Variants in PIR observed in about 807,000 individuals in gnomAD.
PIR encodes the protein pirin (iron-binding nuclear protein).
Under a neutral mutation model 24.2 loss-of-function variants are expected in PIR, and 22 were observed. That is an observed-to-expected ratio of 0.91 (90% CI 0.65 to 1.30). PIR has a LOEUF of 1.30. PIR is among the 50% of genes most tolerant of loss of function. The pLI is 0.00. For missense variants in PIR, 220 were observed against 220.3 expected (o/e 1.00, Z 0.01); for synonymous variants, 80 against 79.6 (o/e 1.00, Z -0.03).
chrX:15,454,017 C>A (rs901490099), intron 5 of PIR, among the ~76,000 whole-genome samples: 1 of 111,673 alleles, frequency 9.0e-6, no homozygotes, highest in Non-Finnish European at 1.9e-5. Context: ...ATCCATCTCA[C>A]TATCCCCTAA....
intron 5 of PIR, among the ~76,000 whole-genome samples, chrX:15,454,174 C>A (rs748151876): frequency 9.0e-6 from 1 of 111,531 alleles, no homozygotes. Context: ...TTTGCTGCTA[C>A]ACCAGGAAGT....
In PIR at chrX:15,384,887, G is replaced by A. The variant is rs934660922; in HGVS notation, c.*117C>T. 1 of 422,388 alleles carries A rather than the reference G, an allele frequency of 2.4e-6. No homozygotes were observed. The highest frequency in any genetic ancestry group is 4.2e-6 in the Non-Finnish European group (1 of 238,556). The allele number at this position is 422,388 out of a possible 1,213,427, so 34.8% of individuals were successfully genotyped here. A position where few individuals can be genotyped will look rare whatever the true frequency, so the allele number is the denominator to read the frequency against. On this transcript the variant is annotated 3_prime_UTR_variant, in exon 10 of 10. Transcript: ENST00000380420. ...ACAAAAACCATGTTATCACGTTAGTGTGGAATTCTTTAGAAGCACCGGCTA... is the reference window on the plus strand; with the variant it reads ...ACAAAAACCATGTTATCACGTTAGTATGGAATTCTTTAGAAGCACCGGCTA...
At chrX:15,442,250 T>C (rs1925939978) in intron 5 of PIR, among the ~76,000 whole-genome samples, 1 of 111,073 alleles carries the variant, frequency 9.0e-6, no homozygotes, top group African/African-American at 3.3e-5. Flanking sequence ...TGATCTTTGA[T>C]GTTACTATTG....
At chrX:15,405,326 A>G (rs1298446134) in intron 7 of PIR, among the ~76,000 whole-genome samples, 1 of 112,305 alleles carries the variant, frequency 8.9e-6, no homozygotes. Flanking sequence ...CATGAAATTC[A>G]CATTTCAGTG....
chrX:15,478,020 C>CA (rs1325899686), intron 3 of PIR, among the ~76,000 whole-genome samples: 9 of 82,771 alleles, frequency 1.1e-4, no homozygotes, highest in Middle Eastern at 5.9e-3. Context: ...GTATTCCCCC[C>CA]CCCCCAGAAA....
chrX:15,459,554 T>C (rs1921212685), intron 4 of PIR, 103 bp downstream of exon 4: 2 of 510,545 alleles, frequency 3.9e-6, no homozygotes, highest in Non-Finnish European at 7.1e-6. Context: ...AAGAATATAA[T>C]AGAGAGAGTG....
intron 9 of PIR, among the ~76,000 whole-genome samples, chrX:15,386,421 T>A (rs759192213): frequency 8.9e-6 from 1 of 112,159 alleles, no homozygotes; most frequent in African/African-American, 3.2e-5. Context: ...CTATCTATTA[T>A]GTACTGAATG....
Position 15,384,932 on chromosome X carries a change from A to G in PIR, c.*72T>C. On this transcript the variant is annotated 3_prime_UTR_variant, in exon 10 of 10. Transcript: ENST00000380420. ...CGGCTAAATAAGCTTTAGAAATGGAATGCCTTCAATGGCTCAATCTCAGAA... is the reference window on the plus strand; with the variant it reads ...CGGCTAAATAAGCTTTAGAAATGGAGTGCCTTCAATGGCTCAATCTCAGAA... 1 of 513,097 alleles carries G rather than the reference A, an allele frequency of 1.9e-6. No individual in the cohort carries two copies. Among genetic ancestry groups the G allele is most frequent in the Non-Finnish European group, 3.4e-6 (1 of 292,036 alleles). 42.3% of individuals were successfully genotyped at this position (513,097 alleles called of 1,213,427 possible). A position where few individuals can be genotyped will look rare whatever the true frequency, so the allele number is the denominator to read the frequency against.
At chrX:15,435,638 C>T (rs1321579212) in intron 5 of PIR, among the ~76,000 whole-genome samples, 2 of 111,613 alleles carry the variant, frequency 1.8e-5, no homozygotes, top group African/African-American at 6.5e-5. Flanking sequence ...ACCACCTTCC[C>T]ACTCTCGTGA....
intron 5 of PIR, among the ~76,000 whole-genome samples, chrX:15,428,798 C>A (rs1394575701): frequency 9.0e-6 from 1 of 111,659 alleles, no homozygotes; most frequent in African/African-American, 3.3e-5. Context: ...TGTGAGCCAC[C>A]GTGCCCAGCT....
chrX:15,458,811 T>C (rs2147060847), intron 4 of PIR, among the ~76,000 whole-genome samples: 1 of 112,729 alleles, frequency 8.9e-6, no homozygotes, highest in African/African-American at 3.2e-5. Flanking sequence ...ATGGTGCAGA[T>C]GGCAGAAGTC....
At chrX:15,392,062 T>A (rs1271986738) in intron 8 of PIR, among the ~76,000 whole-genome samples, 1 of 111,042 alleles carries the variant, frequency 9.0e-6, no homozygotes, top group Non-Finnish European at 1.9e-5. Context: ...ACTAGCCAAA[T>A]GGAGGGGCTA....
rs757017587 is a variant in PIR at position 15,467,507 on chromosome X, G to A, written c.190-7767C>T. Among the ~76,000 whole-genome samples the A allele has an allele frequency of 2.3e-4, 26 of 111,949 alleles. 1 individual carries two copies. Among genetic ancestry groups the A allele is most frequent in the Admixed American group, 1.2e-3 (13 of 10,613 alleles). On this transcript the variant is annotated intron_variant, in intron 3 of 9. Transcript: ENST00000380420. ...AAACTGGCTATTTCAGGCAAAGAAA[G>A]GGTCCTACTGCTAATATACACAAAG...
At chrX:15,425,324 C>T (rs935245780) in intron 6 of PIR, among the ~76,000 whole-genome samples, 1 of 110,511 alleles carries the variant, frequency 9.0e-6, no homozygotes, top group Non-Finnish European at 1.9e-5. Flanking sequence ...TCTTTTAGGC[C>T]TTCCACACCT....
At chrX:15,424,834 C>G (rs993525282) in intron 6 of PIR, among the ~76,000 whole-genome samples, 4 of 110,843 alleles carry the variant, frequency 3.6e-5, no homozygotes, top group Middle Eastern at 4.2e-3. Flanking sequence ...TCCATCTCTA[C>G]AAAAGAATTA....
chrX:15,400,713 C>T (rs1253124460), intron 7 of PIR, among the ~76,000 whole-genome samples: 2 of 65,326 alleles, frequency 3.1e-5, no homozygotes, highest in Admixed American at 1.5e-4. Flanking sequence ...ATTTGAAATG[C>T]TCCACTCTAA....
At chrX:15,447,401 G>A (rs1261209565) in intron 5 of PIR, among the ~76,000 whole-genome samples, 2 of 110,216 alleles carry the variant, frequency 1.8e-5, no homozygotes, top group African/African-American at 3.3e-5. Context: ...TGCAAGCTCC[G>A]CCTCGCGGGT....
chrX:15,485,184 A>T (rs1306633446), intron 2 of PIR, among the ~76,000 whole-genome samples: 1 of 112,291 alleles, frequency 8.9e-6, no homozygotes, highest in Non-Finnish European at 1.9e-5. Context: ...ATAATACTAT[A>T]AACTGGCTGG....
In PIR at chrX:15,402,650, C is replaced by G. The variant is rs754759790; in HGVS notation, c.610+4856G>C. ...TATTTTTTTGTACCCATTAACCATC[C>G]CCACCTCCCCCTGCCCAGCCCCCAA... is the stretch of plus-strand genomic sequence containing the variant. On this transcript the variant is annotated intron_variant, in intron 7 of 9. Transcript: ENST00000380420. Among the ~76,000 whole-genome samples, 4 of 110,098 alleles carry G rather than the reference C, an allele frequency of 3.6e-5. No homozygotes were observed. The East Asian group carries it at 1.1e-3, about 31-fold the overall frequency.
Sources: gnomAD v4.1 joint callset for allele counts (sites outside exome capture counted in the v4.1 genomes callset) on GRCh38, gnomAD v4.1.1 for gene constraint, MANE v1.5 for transcripts, NCBI Gene and HGNC (gene_info 2026-07-23, HGNC 2026-07-21) for gene names.